SIGLECL1: variants seen among roughly 807,000 people sequenced by gnomAD.
The protein encoded by SIGLECL1 is SIGLEC family-like protein 1.
In SIGLECL1, 16 loss-of-function variants were observed where a neutral mutation model predicts 19.1. The observed-to-expected ratio is 0.84, with a 90% CI of 0.57 to 1.27. The LOEUF is 1.27. Among genes scored for constraint, SIGLECL1 ranks in the 50% most tolerant of loss-of-function variants. The pLI is 0.00. For missense variants in SIGLECL1, 210 were observed against 239.4 expected (o/e 0.88, Z 0.81); for synonymous variants, 89 against 90.4 (o/e 0.98, Z 0.09).
chr19:51,253,975 G>A (rs1347641205), intron 1 of SIGLECL1, among the ~76,000 whole-genome samples: 1 of 152,090 alleles, frequency 6.6e-6, no homozygotes, highest in Non-Finnish European at 1.5e-5. Context: ...TTTCTCATTA[G>A]ATGTTAACCA....
upstream of SIGLECL1, among the ~76,000 whole-genome samples, chr19:51,246,685 A>T (rs1180518452): frequency 2.0e-5 from 3 of 152,154 alleles, no homozygotes; most frequent in African/African-American, 7.2e-5. Flanking sequence ...GGCCTTGAGC[A>T]TAACAAGATA....
Position 51,263,965 on chromosome 19 carries a change from C to T in SIGLECL1, c.-108C>T. On this transcript the variant is annotated 5_prime_UTR_variant, in exon 2 of 6. Transcript: ENST00000601727. ...TCTGCTCTCCCCATCCCCACATCCT[C>T]TTTCAGTTACGCATCACCTCACTCC... 1 of 1,400,030 alleles carries T rather than the reference C, an allele frequency of 7.1e-7. No homozygotes were observed. Among genetic ancestry groups the T allele is most frequent in the Non-Finnish European group, 9.9e-7 (1 of 1,008,314 alleles). 86.7% of individuals were successfully genotyped at this position (1,400,030 alleles called of 1,614,324 possible). A position where few individuals can be genotyped will look rare whatever the true frequency, so the allele number is the denominator to read the frequency against.
At position 51,251,102 on chromosome 19, in the gene SIGLECL1, T is replaced by C. The variant is rs1436086562; in HGVS notation, c.-634T>C. Reference sequence around the variant, plus strand: ...GATGCACTCACCTAAGGATGCGAGCTAGCAGGTCTTGCAGCGGCTATCACG... The same window carrying C: ...GATGCACTCACCTAAGGATGCGAGCCAGCAGGTCTTGCAGCGGCTATCACG... On this transcript the variant is annotated 5_prime_UTR_variant, in exon 1 of 6. Coordinates refer to ENST00000601727, the MANE Select transcript of SIGLECL1 (RefSeq NM_001385465.1). 1 of 152,244 alleles carries C rather than the reference T, an allele frequency of 6.6e-6. No homozygotes were observed. The highest frequency in any genetic ancestry group is 6.5e-5 in the Admixed American group (1 of 15,282). The allele number at this position is 152,244 out of a possible 1,614,324, so 9.4% of individuals were successfully genotyped here.
Position 51,265,488 on chromosome 19 carries a change from T to C in SIGLECL1, c.143T>C (p.Val48Ala). The C allele has an allele frequency of 6.2e-7, 1 of 1,614,062 alleles. No homozygotes were observed. Reference sequence around the variant, plus strand: ...TGGATGGGAGGAGTCCCCGTGGGTGTGGATGGCATGGATGGCAGCCTCCAA... The same window carrying C: ...TGGATGGGAGGAGTCCCCGTGGGTGCGGATGGCATGGATGGCAGCCTCCAA... ...QWWMGGVPVG[V>A]DGMDGSLQVT... is the part of the protein sequence containing the mutation. The change falls in exon 3 of 6, where the codon GTG becomes GCG. Residue 48 changes from valine to alanine, a missense_variant. Coordinates refer to ENST00000601727, the MANE Select transcript of SIGLECL1 (RefSeq NM_001385465.1).
In SIGLECL1 at chr19:51,268,811, C is replaced by T. The variant is rs2123465064; in HGVS notation, c.*214C>T. On this transcript the variant is annotated 3_prime_UTR_variant, in exon 6 of 6. Transcript: ENST00000601727. ...GTTACTCTTAGACCTAGTCTTAGAA[C>T]CTCTGAAGACACACTTTGTAATTTG... 5 of 494,580 alleles carry T rather than the reference C, an allele frequency of 1.0e-5. No homozygotes were observed. The highest frequency in any genetic ancestry group is 5.2e-4 in the Middle Eastern group (1 of 1,934). 30.6% of individuals were successfully genotyped at this position (494,580 alleles called of 1,614,324 possible).
intron 1 of SIGLECL1, among the ~76,000 whole-genome samples, chr19:51,260,635 T>C (rs2123420672): frequency 6.6e-6 from 1 of 152,354 alleles, no homozygotes; most frequent in Non-Finnish European, 1.5e-5. Context: ...GTGTATCTTC[T>C]GCTTTGATAA....
chr19:51,253,629 T>A (rs1385205493), intron 1 of SIGLECL1, among the ~76,000 whole-genome samples: 5 of 152,230 alleles, frequency 3.3e-5, no homozygotes, highest in African/African-American at 1.2e-4. Context: ...AGGAAAAATC[T>A]AAGTATACTG....
Position 51,268,812 on chromosome 19 carries a change from C to A in SIGLECL1, c.*215C>A, listed in dbSNP as rs1983860235. On this transcript the variant is annotated 3_prime_UTR_variant, in exon 6 of 6. Coordinates refer to ENST00000601727, the MANE Select transcript of SIGLECL1 (RefSeq NM_001385465.1). The stretch of plus-strand genomic sequence containing the variant: ...TTACTCTTAGACCTAGTCTTAGAAC[C>A]TCTGAAGACACACTTTGTAATTTGT... The A allele has an allele frequency of 4.1e-6, 2 of 493,770 alleles. No individual in the cohort carries two copies. Among genetic ancestry groups the A allele is most frequent in the Middle Eastern group, 5.2e-4 (1 of 1,934 alleles). 30.6% of individuals were successfully genotyped at this position (493,770 alleles called of 1,614,324 possible). A position where few individuals can be genotyped will look rare whatever the true frequency, so the allele number is the denominator to read the frequency against.
chr19:51,252,330 A>G (rs1033386426), intron 1 of SIGLECL1, among the ~76,000 whole-genome samples: 1 of 152,066 alleles, frequency 6.6e-6, no homozygotes, highest in Admixed American at 6.6e-5. Flanking sequence ...GAAAAAGAAA[A>G]TATAATGGGT....
chr19:51,265,571 C>A lies in SIGLECL1; in HGVS notation c.226C>A (p.Pro76Thr), dbSNP rs1373668230. The A allele has an allele frequency of 6.2e-7, 1 of 1,614,136 alleles. No individual in the cohort carries two copies. ...ANSTISLTEEPEMGMRLLCEG... is the reference protein window; with the variant it reads ...ANSTISLTEETEMGMRLLCEG... ...CAGCACCATCAGCCTAACTGAAGAG[C>A]CAGAAATGGGCATGAGACTTCTCTG... The change falls in exon 3 of 6, where the codon CCA becomes ACA. Residue 76 changes from proline (P) to threonine (T), a missense_variant. Physicochemically the swap from Pro to Thr is conservative, Grantham distance 38. Coordinates refer to ENST00000601727, the MANE Select transcript of SIGLECL1 (RefSeq NM_001385465.1).
upstream of SIGLECL1, among the ~76,000 whole-genome samples, chr19:51,246,610 G>T (rs758914127): frequency 6.6e-6 from 1 of 152,122 alleles, no homozygotes; most frequent in African/African-American, 2.4e-5. Context: ...GACAGAGCCA[G>T]TGCCCTCATA....
upstream of SIGLECL1, among the ~76,000 whole-genome samples, chr19:51,247,553 G>A (rs1982306396): frequency 6.6e-6 from 1 of 151,992 alleles, no homozygotes; most frequent in Non-Finnish European, 1.5e-5. Context: ...CAAGTAGCTG[G>A]GACTACAGGT....
intron 1 of SIGLECL1, among the ~76,000 whole-genome samples, chr19:51,261,024 T>C (rs979264758): frequency 6.6e-6 from 1 of 152,242 alleles, no homozygotes; most frequent in Admixed American, 6.5e-5. Flanking sequence ...AATGTCACAC[T>C]ACTATTGTGG....
rs774801911 is a variant in SIGLECL1, at chr19:51,268,839, G to T, written c.*242G>T. 400 of 457,012 alleles carry T rather than the reference G, an allele frequency of 8.8e-4. 2 individuals carry two copies. The highest frequency in any genetic ancestry group is 2.2e-4 in the Non-Finnish European group (56 of 259,880). 28.3% of individuals were successfully genotyped at this position (457,012 alleles called of 1,614,324 possible). A position where few individuals can be genotyped will look rare whatever the true frequency, so the allele number is the denominator to read the frequency against. On this transcript the variant is annotated 3_prime_UTR_variant, in exon 6 of 6. Transcript: ENST00000601727. ...CTGAAGACACACTTTGTAATTTGTT[G>T]TTTGGCTAAATGAGAAGAAATCTGT...
chr19:51,247,695 G>A (rs1242700146), upstream of SIGLECL1, among the ~76,000 whole-genome samples: 1 of 152,204 alleles, frequency 6.6e-6, no homozygotes, highest in African/African-American at 2.4e-5. Flanking sequence ...TGGGATTACA[G>A]GCGTGAGCCA....
intron 4 of SIGLECL1, 135 bp from the exon 5 acceptor site, chr19:51,267,238 G>A: frequency 9.7e-7 from 1 of 1,029,262 alleles, no homozygotes; most frequent in South Asian, 1.6e-5. Flanking sequence ...GAGAGGATGT[G>A]TGGCTTGCCC....
chr19:51,261,371 C>T (rs1438879002), intron 1 of SIGLECL1, among the ~76,000 whole-genome samples: 1 of 152,128 alleles, frequency 6.6e-6, no homozygotes. Flanking sequence ...TCACTGCAAG[C>T]TCTGCCTCCC....
chr19:51,265,273 T>A (rs1403051182), intron 2 of SIGLECL1, 95 bp from the exon 3 acceptor site: 2 of 1,394,340 alleles, frequency 1.4e-6, no homozygotes, highest in Non-Finnish European at 2.0e-6. Flanking sequence ...CTGAAGCTCC[T>A]TGTGAATAGC....
intron 1 of SIGLECL1, among the ~76,000 whole-genome samples, chr19:51,259,792 G>A (rs183059098): frequency 2.0e-5 from 3 of 152,304 alleles, no homozygotes; most frequent in Admixed American, 6.5e-5. Flanking sequence ...GGAGGTCCTC[G>A]TTATATTTAT....
Sources: allele counts gnomAD v4.1 joint callset (sites outside exome capture counted in the v4.1 genomes callset), GRCh38; gene constraint gnomAD v4.1.1; transcripts MANE v1.5; gene names NCBI Gene and HGNC (gene_info 2026-07-23, HGNC 2026-07-21).